The following MGST1 variants were observed in gnomAD, a reference collection of about 807,000 sequenced individuals.
MGST1 encodes the protein glutathione S-transferase 12.
In MGST1, 5 loss-of-function variants were observed where a neutral mutation model predicts 8.9. The ratio of observed to expected loss-of-function variants is 0.56; its 90% CI spans 0.29 to 1.19. The LOEUF is 1.19. Among genes scored for constraint, MGST1 ranks in the 50% most tolerant of loss-of-function variants. The probability of loss-of-function intolerance (pLI) is 0.08; values close to 1 mark genes in which losing one functional copy is unlikely to be tolerated. For synonymous variants in MGST1, 54 were observed against 67.8 expected (o/e 0.80, Z 1.00); for missense variants, 182 against 187.4 (o/e 0.97, Z 0.17).
In MGST1 at chr12:16,568,017, C is replaced by CTGTT. The variant is rs1226336940; in HGVS notation, n.483-21508_483-21505dup. ...AACAGGAGGGAGAAAGAATATTTAA[C>CTGTT]TGTTTGATTTTTTGGAATTCTTGAG... On this transcript the variant is annotated intron_variant and non_coding_transcript_variant, in intron 4 of 4. Coordinates refer to the MGST1 transcript ENST00000538857. Among the ~76,000 whole-genome samples the CTGTT allele has an allele frequency of 8.5e-5, 13 of 152,206 alleles. No individual in the cohort carries two copies. In the East Asian group the frequency reaches 9.7e-4, roughly 11 times the overall value.
At chr12:16,457,257 G>T (rs1038178887) in intron 4 of MGST1, among the ~76,000 whole-genome samples, 1 of 151,892 alleles carries the variant, frequency 6.6e-6, no homozygotes, top group African/African-American at 2.4e-5. Flanking sequence ...AGAAATATAT[G>T]TGTTCATAAA....
intron 4 of MGST1, among the ~76,000 whole-genome samples, chr12:16,501,143 T>C (rs1037551967): frequency 6.8e-6 from 1 of 147,450 alleles, no homozygotes; most frequent in Non-Finnish European, 1.5e-5. Flanking sequence ...TTAGAGTCAA[T>C]CACAAATACA....
intron 4 of MGST1, among the ~76,000 whole-genome samples, chr12:16,540,918 A>G (rs1941789638): frequency 6.6e-6 from 1 of 152,334 alleles, no homozygotes; most frequent in Non-Finnish European, 1.5e-5. Flanking sequence ...TCAAAAACAT[A>G]AAAATAAAAA....
At chr12:16,496,386 G>A (rs1007342988) in intron 4 of MGST1, among the ~76,000 whole-genome samples, 9 of 152,076 alleles carry the variant, frequency 5.9e-5, no homozygotes, top group African/African-American at 9.7e-5. Context: ...AAAATATAAC[G>A]CTGGGTGCGA....
intron 1 of MGST1, among the ~76,000 whole-genome samples, chr12:16,384,472 C>G (rs1437010121): frequency 6.6e-6 from 1 of 152,172 alleles, no homozygotes; most frequent in East Asian, 1.9e-4. Context: ...AGCCCCAAGC[C>G]AAGGAATGCC....
intron 4 of MGST1, among the ~76,000 whole-genome samples, chr12:16,579,459 G>A (rs751109972): frequency 6.6e-6 from 1 of 152,200 alleles, no homozygotes; most frequent in Non-Finnish European, 1.5e-5. Flanking sequence ...TAACAATTTG[G>A]TGATGGTATA....
chr12:16,548,382 C>A lies in MGST1; in HGVS notation n.483-41146C>A, dbSNP rs776399363. On this transcript the variant is annotated intron_variant and non_coding_transcript_variant, in intron 4 of 4. Transcript: ENST00000538857. This position sits in a 1 kb window ranked among gnomAD's most constrained non-coding sequence, Gnocchi z 4.2. ...TTAAGTGCAATCAAATAGTGTAACA[C>A]CCCTTTTATTAAAAACATAAATCCA... The A allele has an allele frequency of 1.3e-5, 2 of 152,006 alleles. No individual in the cohort carries two copies. Among genetic ancestry groups the A allele is most frequent in the African/African-American group, 2.4e-5 (1 of 41,390 alleles). 9.4% of individuals were successfully genotyped at this position (152,006 alleles called of 1,614,324 possible).
chr12:16,477,691 T>C (rs1941333345), intron 4 of MGST1, among the ~76,000 whole-genome samples: 1 of 152,222 alleles, frequency 6.6e-6, no homozygotes, highest in African/African-American at 2.4e-5. Flanking sequence ...GCCTCTTAAA[T>C]CTAAGGAAGA....
At chr12:16,400,323 AT>A in intron 1 of MGST1, 1 of 800,136 alleles carries the variant, frequency 1.2e-6, no homozygotes, top group South Asian at 1.4e-5. Context: ...GCTTAATATT[AT>A]TGTACAAAAT....
intron 4 of MGST1, among the ~76,000 whole-genome samples, chr12:16,502,407 G>T (rs1324269074): frequency 6.6e-6 from 1 of 152,008 alleles, no homozygotes; most frequent in Non-Finnish European, 1.5e-5. Context: ...TCACCTCAAA[G>T]ATTTTTTCTG....
chr12:16,350,869 T>C (rs1939430523), intron 1 of MGST1: 1 of 152,138 alleles, frequency 6.6e-6, no homozygotes, highest in Non-Finnish European at 1.5e-5. Flanking sequence ...GCCACATTCT[T>C]CGTGATTGAG....
intron 4 of MGST1, among the ~76,000 whole-genome samples, chr12:16,570,452 C>T (rs947162548): frequency 2.6e-5 from 4 of 151,560 alleles, no homozygotes; most frequent in African/African-American, 4.9e-5. Context: ...CTGAAATTTT[C>T]AACAGAAAAG....
In MGST1 at chr12:16,555,440, G is replaced by T. The variant is rs561631560; in HGVS notation, n.483-34088G>T. ...CAGCAGTTCTGCGGTAAATGACCAC[G>T]AGTTATATTTCTTTTGAACCCTTTG... On this transcript the variant is annotated intron_variant and non_coding_transcript_variant, in intron 4 of 4. Coordinates refer to the MGST1 transcript ENST00000538857. This position sits in a 1 kb window ranked among gnomAD's most constrained non-coding sequence, Gnocchi z 5.5. Among the ~76,000 whole-genome samples the T allele has an allele frequency of 6.6e-6, 1 of 152,252 alleles. No homozygotes were observed. Among genetic ancestry groups the T allele is most frequent in the South Asian group, 2.1e-4 (1 of 4,822 alleles).
At chr12:16,498,143 T>C (rs1320608608) in intron 4 of MGST1, among the ~76,000 whole-genome samples, 2 of 152,168 alleles carry the variant, frequency 1.3e-5, no homozygotes, top group African/African-American at 4.8e-5. Flanking sequence ...AAACACTACT[T>C]CGAGTGTACT....
chr12:16,437,392 A>G (rs1940995817), exon 2 of MGST1: 1 of 151,948 alleles, frequency 6.6e-6, no homozygotes, highest in South Asian at 2.1e-4. Context: ...TTTCAGGTCT[A>G]GTGGCACTTG....
At position 16,458,341 on chromosome 12, in the gene MGST1, A is replaced by G. The variant is rs140930466; in HGVS notation, n.482+74737A>G. Among the ~76,000 whole-genome samples, 3 of 152,162 alleles carry G rather than the reference A, an allele frequency of 2.0e-5. No homozygotes were observed. The highest frequency in any genetic ancestry group is 1.9e-4 in the East Asian group (1 of 5,154). ...GCAATGATTTGAAGTTGTGATTACC[A>G]TAAGCAATTTAAATTTTATTGATCT... is the stretch of plus-strand genomic sequence containing the variant. On this transcript the variant is annotated intron_variant and non_coding_transcript_variant, in intron 4 of 4. Coordinates refer to the MGST1 transcript ENST00000538857. The surrounding 1 kb of genome is among the most constrained non-coding windows in gnomAD (Gnocchi z 4.0).
At chr12:16,372,780 T>G (rs535141858) in intron 3 of MGST1, among the ~76,000 whole-genome samples, 1 of 151,448 alleles carries the variant, frequency 6.6e-6, no homozygotes, top group South Asian at 2.1e-4. Flanking sequence ...TAAGTGCCCA[T>G]CAACAGGTGG....
chr12:16,376,881 A>C (rs1940389596), exon 4 of MGST1: 1 of 152,104 alleles, frequency 6.6e-6, no homozygotes, highest in Non-Finnish European at 1.5e-5. Context: ...TAAGGTTAGC[A>C]TGAATTGTTA....
rs1320672367 is a variant in MGST1 at position 16,500,682 on chromosome 12, C to T, written n.483-88846C>T. ...TGCCCAGGATGATGTTTACACATAG[C>T]AGGTGCTCAATAAATATATGTGACT... On this transcript the variant is annotated intron_variant and non_coding_transcript_variant, in intron 4 of 4. Transcript: ENST00000538857. This position sits in a 1 kb window ranked among gnomAD's most constrained non-coding sequence, Gnocchi z 4.3. Among the ~76,000 whole-genome samples, 4 of 151,966 alleles carry T rather than the reference C, an allele frequency of 2.6e-5. No homozygotes were observed. The highest frequency in any genetic ancestry group is 9.7e-5 in the African/African-American group (4 of 41,376).
Sources: gnomAD v4.1 joint callset for allele counts (sites outside exome capture counted in the v4.1 genomes callset) on GRCh38, gnomAD v4.1.1 for gene constraint, Gnocchi (gnomAD v3.1) non-coding constraint, MANE v1.5 for transcripts, NCBI Gene and HGNC (gene_info 2026-07-23, HGNC 2026-07-21) for gene names.